SLC28A1: variants seen among roughly 807,000 people sequenced by gnomAD.
SLC28A1 encodes the protein sodium/nucleoside cotransporter 1.
SLC28A1 carries 64 observed loss-of-function variants against 74.8 expected under a neutral mutation model. That is an observed-to-expected ratio of 0.86 (90% CI 0.70 to 1.05). The LOEUF (loss-of-function observed/expected upper bound fraction) is 1.05. Among genes scored for constraint, SLC28A1 ranks in the 50% least tolerant of loss-of-function variants. SLC28A1 has a pLI of 0.00. For synonymous variants in SLC28A1, 359 were observed against 335.0 expected (o/e 1.07, Z -0.78); for missense variants, 828 against 822.8 (o/e 1.01, Z -0.08).
At position 84,904,160 on chromosome 15, in the gene SLC28A1, G is replaced by A; in HGVS notation, c.525G>A (p.Arg175=). 1.9e-6 allele frequency: 3 copies of A among 1,614,170 alleles called. No individual in the cohort carries two copies. The highest frequency in any genetic ancestry group is 2.2e-5 in the South Asian group (2 of 91,082). Residue 175 remains arginine, a synonymous_variant, in exon 7 of 19, where the codon CGG becomes CGA. Transcript: ENST00000394573. ...VLWLSLDTSQ[R]PEQLVSFAGI... Reference sequence around the variant, plus strand: ...GGCTGTCTCTGGACACCTCCCAGCGGCCTGAGCAACTGGTGTCCTTCGCAG... The same window carrying A: ...GGCTGTCTCTGGACACCTCCCAGCGACCTGAGCAACTGGTGTCCTTCGCAG...
At chr15:84,890,801 G>T (rs780622921) in intron 5 of SLC28A1, among the ~76,000 whole-genome samples, 1 of 152,188 alleles carries the variant, frequency 6.6e-6, no homozygotes, top group Non-Finnish European at 1.5e-5. Flanking sequence ...AGGAATGGGG[G>T]ATGATCAGGG....
Position 84,918,541 on chromosome 15 carries a change from C to CT in SLC28A1, c.818dup (p.Ser274GlnfsTer34), listed in dbSNP as rs1279023137. The CT allele has an allele frequency of 2.5e-6, 4 of 1,613,916 alleles. No homozygotes were observed. The East Asian group carries it at 8.9e-5, about 36-fold the overall frequency. ...CCCGGCAGGTTCTGCCCATCATTGT[C>CT]TTTTTCAGCTGTGTCATATCCGTTC... On this transcript the variant is annotated frameshift_variant, in exon 10 of 19. Coordinates refer to ENST00000394573, the MANE Select transcript of SLC28A1 (RefSeq NM_004213.5). LOFTEE classifies it high-confidence loss of function.
chr15:84,886,565 G>C, intron 1 of SLC28A1, 107 bp from the exon 2 acceptor site: 1 of 985,590 alleles, frequency 1.0e-6, no homozygotes, highest in African/African-American at 1.7e-5. Flanking sequence ...CTGTATCCCT[G>C]AGACCGTGTT....
the SLC28A1 span, among the ~76,000 whole-genome samples, chr15:84,960,228 CTTTTTTTTTTTTTTTTTTTT>C: frequency 4.3e-4 from 37 of 85,584 alleles, 6 homozygotes; most frequent in East Asian, 9.0e-3. Context: ...TGCCTGCCTG[CTTTTTTTTTTTTTTTTTTTT>C]TTTTTTTTTT....
chr15:84,935,456 T>G lies in SLC28A1; in HGVS notation c.1519T>G (p.Tyr507Asp), dbSNP rs776036140. 1 of 1,614,044 alleles carries G rather than the reference T, an allele frequency of 6.2e-7. No homozygotes were observed. Among genetic ancestry groups the G allele is most frequent in the African/African-American group, 1.3e-5 (1 of 74,912 alleles). The change falls in exon 15 of 19, where the codon TAC becomes GAC. Residue 507 changes from tyrosine to aspartate, a missense_variant. By Grantham distance (160) the Tyr-to-Asp change is radical (BLOSUM62 -3). Around this residue, in one of 3 missense-constraint regions of SLC28A1, gnomAD observed 767 missense variants for 753.5 expected, o/e 1.02. Coordinates refer to ENST00000394573, the MANE Select transcript of SLC28A1 (RefSeq NM_004213.5). ...TGTGGCCTATCAAGACCTCTCCAAG[T>G]ACAAGCAACGCCGCCTGGCAGGGGC... ...EFVAYQDLSK[Y>D]KQRRLAGAEE...
At chr15:84,885,826 T>G (rs1964535478) in intron 1 of SLC28A1, among the ~76,000 whole-genome samples, 1 of 152,140 alleles carries the variant, frequency 6.6e-6, no homozygotes, top group South Asian at 2.1e-4. Context: ...TCCCTCATTC[T>G]GTATATTTCT....
At chr15:84,927,891 T>C (rs936063200) in intron 12 of SLC28A1, among the ~76,000 whole-genome samples, 1 of 103,566 alleles carries the variant, frequency 9.7e-6, no homozygotes, top group Non-Finnish European at 1.9e-5. Flanking sequence ...CTGAAACTTT[T>C]TTTCATGGCA....
the SLC28A1 span, among the ~76,000 whole-genome samples, chr15:84,960,962 C>T: frequency 6.6e-6 from 1 of 152,080 alleles, no homozygotes; most frequent in African/African-American, 2.4e-5. Context: ...TTTGCAGGGA[C>T]AGAATAGCAG....
At chr15:84,960,059 G>T in the SLC28A1 span, among the ~76,000 whole-genome samples, 1 of 152,070 alleles carries the variant, frequency 6.6e-6, no homozygotes, top group African/African-American at 2.4e-5. Flanking sequence ...TTTCTCCAGA[G>T]AAGAATCTTC....
intron 9 of SLC28A1, among the ~76,000 whole-genome samples, chr15:84,916,993 A>C (rs1315983372): frequency 1.5e-5 from 2 of 137,366 alleles, no homozygotes; most frequent in Admixed American, 8.7e-5. Context: ...GTACCACTGT[A>C]CTCCAGCCTG....
intron 7 of SLC28A1, 143 bp downstream of exon 7, chr15:84,904,381 A>G: frequency 8.2e-7 from 1 of 1,222,664 alleles, no homozygotes; most frequent in Non-Finnish European, 1.2e-6. Flanking sequence ...GCCTGTGTGT[A>G]TCAGGATAGG....
chr15:84,912,856 T>C (rs1435230172), intron 9 of SLC28A1, among the ~76,000 whole-genome samples: 6 of 130,486 alleles, frequency 4.6e-5, no homozygotes, highest in African/African-American at 9.4e-5. Context: ...ACAGATCAAA[T>C]AAGGACCAAA....
At chr15:84,923,889 A>C in intron 11 of SLC28A1, 96 bp from the exon 12 acceptor site, 3 of 1,544,014 alleles carry the variant, frequency 1.9e-6, no homozygotes, top group Non-Finnish European at 2.7e-6. Context: ...GCTGCCTCTT[A>C]CCGTGGGACT....
intron 12 of SLC28A1, among the ~76,000 whole-genome samples, chr15:84,932,464 T>G (rs558062239): frequency 2.0e-5 from 3 of 152,176 alleles, no homozygotes; most frequent in Non-Finnish European, 4.4e-5. Flanking sequence ...AGAAGGAGAC[T>G]GAGGGTCAAA....
chr15:84,947,332 T>C (rs1243662614), downstream of SLC28A1, among the ~76,000 whole-genome samples: 1 of 152,162 alleles, frequency 6.6e-6, no homozygotes, highest in African/African-American at 2.4e-5. Context: ...GGATTGGCCC[T>C]CCGCCCCTTC....
intron 9 of SLC28A1, among the ~76,000 whole-genome samples, chr15:84,913,786 G>GC (rs946483906): frequency 3.3e-5 from 5 of 152,234 alleles, no homozygotes; most frequent in African/African-American, 1.2e-4. Flanking sequence ...GTGGTTACAA[G>GC]CAACAGAAAT....
At chr15:84,905,413 C>A in intron 7 of SLC28A1, 126 bp from the exon 8 acceptor site, 1 of 719,268 alleles carries the variant, frequency 1.4e-6, no homozygotes, top group East Asian at 2.6e-5. Flanking sequence ...GGCAACAGGC[C>A]TAGTACTCTG....
chr15:84,888,935 C>G, intron 4 of SLC28A1, 75 bp downstream of exon 4: 1 of 1,065,604 alleles, frequency 9.4e-7, no homozygotes, highest in South Asian at 1.3e-5. Context: ...AGCCGGGCCT[C>G]CTGGCGGATG....
chr15:84,918,667 G>C (rs1562885), intron 10 of SLC28A1, 63 bp downstream of exon 10: 603,725 of 1,249,498 alleles, frequency 0.48, 155,882 homozygotes, highest in East Asian at 0.86. Context: ...GGTTCACACT[G>C]TCCCAGAATG....
Sources: gnomAD v4.1 joint callset for allele counts (sites outside exome capture counted in the v4.1 genomes callset) on GRCh38, gnomAD v4.1.1 for gene constraint, gnomAD v4.1.1 regional missense constraint, MANE v1.5 for transcripts, NCBI Gene and HGNC (gene_info 2026-07-23, HGNC 2026-07-21) for gene names.